The following EYA1 variants were observed in gnomAD, a reference collection of about 807,000 sequenced individuals.
EYA1 encodes the protein protein phosphatase EYA1.
In EYA1, 16 loss-of-function variants were observed where a neutral mutation model predicts 82.0. The ratio of observed to expected loss-of-function variants is 0.20; its 90% confidence interval spans 0.13 to 0.30. The LOEUF (loss-of-function observed/expected upper bound fraction) is 0.30, where lower values mean the gene tolerates loss of function less well. Ranked by LOEUF, EYA1 falls within the 10% of genes least tolerant of loss-of-function variation. EYA1 has a pLI of 1.00. For synonymous variants in EYA1, 261 were observed against 264.4 expected (o/e 0.99, Z 0.12); for missense variants, 633 against 730.7 (o/e 0.87, Z 1.54).
intron 2 of EYA1, among the ~76,000 whole-genome samples, chr8:71,397,535 C>T (rs1374326686): frequency 2.0e-5 from 3 of 152,180 alleles, no homozygotes; most frequent in Non-Finnish European, 1.5e-5. Flanking sequence ...TTTTATTTCT[C>T]CTTCACATAT....
At chr8:71,429,684 G>T (rs1661261344) in intron 2 of EYA1, among the ~76,000 whole-genome samples, 1 of 152,160 alleles carries the variant, frequency 6.6e-6, no homozygotes, top group Non-Finnish European at 1.5e-5. Flanking sequence ...TAGAGAGACA[G>T]AGGTTATGAG....
chr8:71,463,602 TC>T (rs1235776182), intron 2 of EYA1, among the ~76,000 whole-genome samples: 1 of 133,540 alleles, frequency 7.5e-6, no homozygotes, highest in African/African-American at 3.0e-5. Flanking sequence ...TCTCTCTCTC[TC>T]TCTCTCTCTC....
intron 3 of EYA1, among the ~76,000 whole-genome samples, chr8:71,351,432 A>G (rs571152466): frequency 6.1e-4 from 93 of 152,260 alleles, no homozygotes; most frequent in Middle Eastern, 6.8e-3. Flanking sequence ...TTATATTTTT[A>G]TATTGCAAAG....
At chr8:71,532,519 G>A (rs1168016562) in intron 2 of EYA1, among the ~76,000 whole-genome samples, 3 of 152,176 alleles carry the variant, frequency 2.0e-5, no homozygotes, top group Non-Finnish European at 4.4e-5. Context: ...GTTTACAAAA[G>A]CAATAAAGAT....
intron 11 of EYA1, among the ~76,000 whole-genome samples, chr8:71,255,641 G>C (rs769814196): frequency 1.3e-5 from 2 of 151,974 alleles, no homozygotes; most frequent in Non-Finnish European, 2.9e-5. Context: ...ATATAAAATG[G>C]TATAGGAAAA....
chr8:71,357,369 C>G (rs1345009589), intron 1 of EYA1, among the ~76,000 whole-genome samples: 1 of 152,250 alleles, frequency 6.6e-6, no homozygotes, highest in Non-Finnish European at 1.5e-5. Context: ...AACAACTTAA[C>G]TAATGTGCAG....
At chr8:71,212,802 C>CA (rs1416096692) in intron 16 of EYA1, among the ~76,000 whole-genome samples, 4 of 152,178 alleles carry the variant, frequency 2.6e-5, no homozygotes, top group African/African-American at 9.7e-5. Flanking sequence ...TTACTGGGGC[C>CA]AGGCATAGTG....
intron 2 of EYA1, among the ~76,000 whole-genome samples, chr8:71,494,775 T>A (rs968959148): frequency 6.6e-6 from 1 of 152,110 alleles, no homozygotes; most frequent in Admixed American, 6.6e-5. Context: ...CTAAAATATG[T>A]ATAAGGAAAA....
At position 71,535,399 on chromosome 8, in the gene EYA1, C is replaced by T. The variant is rs1814635612; in HGVS notation, c.33+345G>A. 2.0e-5 allele frequency among the ~76,000 whole-genome samples: 3 copies of T among 152,104 alleles called. No individual in the cohort carries two copies. In the South Asian group the frequency reaches 6.2e-4, roughly 32 times the overall value. On this transcript the variant is annotated intron_variant, in intron 2 of 18. Transcript: ENST00000643681. ...CATGTAAAAGAATCCAAAAAATTGA[C>T]ATTAATTTAAGTTTTAAGAGGCAAA... is the stretch of plus-strand genomic sequence containing the variant.
chr8:71,447,712 C>T (rs1396721671), intron 2 of EYA1, among the ~76,000 whole-genome samples: 4 of 152,184 alleles, frequency 2.6e-5, no homozygotes, highest in African/African-American at 4.8e-5. Context: ...AAAGTTAACA[C>T]TGTAGTCTAT....
At chr8:71,528,701 G>A (rs1184006535) in intron 2 of EYA1, among the ~76,000 whole-genome samples, 1 of 152,160 alleles carries the variant, frequency 6.6e-6, no homozygotes, top group African/African-American at 2.4e-5. Flanking sequence ...AACGACTAGT[G>A]AGGCCATCCC....
chr8:71,277,744 A>G (rs1185291166), intron 9 of EYA1, among the ~76,000 whole-genome samples: 1 of 152,238 alleles, frequency 6.6e-6, no homozygotes, highest in Non-Finnish European at 1.5e-5. Context: ...GTAAGTGTCT[A>G]GAGTGCAAGG....
intron 12 of EYA1, chr8:71,225,108 A>G: frequency 3.0e-6 from 1 of 329,516 alleles, no homozygotes; most frequent in South Asian, 2.5e-5. Context: ...TTTTCTCTGT[A>G]AAGAGGAGAC....
intron 4 of EYA1, among the ~76,000 whole-genome samples, chr8:71,322,678 T>C (rs1438908938): frequency 6.6e-6 from 1 of 152,172 alleles, no homozygotes; most frequent in Admixed American, 6.5e-5. Flanking sequence ...GGCCTATTGT[T>C]TGTGCTCAGC....
At chr8:71,357,731 A>G (rs1827023642) in intron 1 of EYA1, among the ~76,000 whole-genome samples, 1 of 152,192 alleles carries the variant, frequency 6.6e-6, no homozygotes, top group Non-Finnish European at 1.5e-5. Flanking sequence ...TTAAAGTCCA[A>G]CTGTCTTGGT....
intron 2 of EYA1, among the ~76,000 whole-genome samples, chr8:71,492,571 T>C (rs952125431): frequency 4.6e-5 from 7 of 151,730 alleles, no homozygotes; most frequent in African/African-American, 1.7e-4. Context: ...TTCACGCCAT[T>C]CTCCTGCCTC....
chr8:71,314,823 A>T (rs1821730022), intron 7 of EYA1, among the ~76,000 whole-genome samples: 1 of 152,230 alleles, frequency 6.6e-6, no homozygotes, highest in Admixed American at 6.5e-5. Context: ...AGGGATGAAT[A>T]AAAACACACA....
Position 71,291,804 on chromosome 8 carries a change from G to A in EYA1, c.826+7243C>T, listed in dbSNP as rs141770666. On this transcript the variant is annotated intron_variant, in intron 9 of 17. Coordinates refer to ENST00000340726, the MANE Select transcript of EYA1 (RefSeq NM_000503.6). Reference sequence around the variant, plus strand: ...GCCTCATTTTCCTTATCTGTAAAATGGAACAAATAGTACCTATCTCATGGT... The same window carrying A: ...GCCTCATTTTCCTTATCTGTAAAATAGAACAAATAGTACCTATCTCATGGT... 2.8e-3 allele frequency among the ~76,000 whole-genome samples: 423 copies of A among 152,204 alleles called. 4 individuals carry two copies. The highest frequency in any genetic ancestry group is 9.9e-3 in the African/African-American group (413 of 41,538).
At chr8:71,214,922 T>G (rs1808990465) in intron 16 of EYA1, among the ~76,000 whole-genome samples, 1 of 152,224 alleles carries the variant, frequency 6.6e-6, no homozygotes, top group South Asian at 2.1e-4. Context: ...TGCAAGAAGC[T>G]TTTAAATCTC....
Sources: allele counts gnomAD v4.1 joint callset (sites outside exome capture counted in the v4.1 genomes callset), GRCh38; gene constraint gnomAD v4.1.1; transcripts MANE v1.5; gene names NCBI Gene and HGNC (gene_info 2026-07-23, HGNC 2026-07-21).